Variants in PUM1 observed in about 807,000 individuals in gnomAD.
The protein encoded by PUM1 is pumilio homolog 1.
PUM1 carries 13 observed loss-of-function variants against 131.8 expected under a neutral mutation model. The ratio of observed to expected loss-of-function variants is 0.10; its 90% CI spans 0.06 to 0.16. PUM1 has a LOEUF of 0.16. Among genes scored for constraint, PUM1 ranks in the 10% least tolerant of loss-of-function variants. The probability of loss-of-function intolerance (pLI) is 1.00; values close to 1 mark genes in which losing one functional copy is unlikely to be tolerated. For synonymous variants in PUM1, 509 were observed against 556.5 expected (o/e 0.91, Z 1.20); for missense variants, 961 against 1,512.4 (o/e 0.64, Z 6.05).
At chr1:30,983,614 T>C (rs983337562) in intron 7 of PUM1, among the ~76,000 whole-genome samples, 48 of 152,128 alleles carry the variant, frequency 3.2e-4, no homozygotes, top group African/African-American at 1.1e-3. Context: ...TTTTGTTTGT[T>C]TGAAGAGTCG....
intron 2 of PUM1, among the ~76,000 whole-genome samples, chr1:31,045,534 A>T (rs1643935844): frequency 6.6e-6 from 1 of 152,192 alleles, no homozygotes; most frequent in Non-Finnish European, 1.5e-5. Flanking sequence ...GGACTGCTGG[A>T]GGCCAGAAGT....
At chr1:31,015,082 C>T (rs1025295484) in intron 3 of PUM1, among the ~76,000 whole-genome samples, 2 of 152,036 alleles carry the variant, frequency 1.3e-5, no homozygotes, top group South Asian at 4.1e-4. Flanking sequence ...AAGTAAAATA[C>T]AAAATTGTAC....
At chr1:30,960,837 T>C (rs572747292) in intron 14 of PUM1, among the ~76,000 whole-genome samples, 9 of 152,164 alleles carry the variant, frequency 5.9e-5, no homozygotes, top group African/African-American at 2.2e-4. Flanking sequence ...AAACAATAAA[T>C]TTTTTTAGAG....
chr1:30,974,588 C>T, intron 10 of PUM1, 63 bp downstream of exon 10: 1 of 1,453,902 alleles, frequency 6.9e-7, no homozygotes, highest in Middle Eastern at 2.5e-4. Flanking sequence ...CGCAATATTA[C>T]CTATTAATTA....
intron 2 of PUM1, among the ~76,000 whole-genome samples, chr1:31,033,585 C>T (rs1643511419): frequency 1.3e-5 from 2 of 152,004 alleles, no homozygotes; most frequent in Admixed American, 1.3e-4. Context: ...AGGCAGGTCT[C>T]GAAGCCCTAA....
At chr1:30,969,926 G>C (rs1451193640) in intron 10 of PUM1, among the ~76,000 whole-genome samples, 1 of 152,218 alleles carries the variant, frequency 6.6e-6, no homozygotes, top group Non-Finnish European at 1.5e-5. Flanking sequence ...GCCTGCCAAA[G>C]TGTTGGGATT....
At chr1:30,971,780 T>C (rs1243025499) in intron 10 of PUM1, among the ~76,000 whole-genome samples, 1 of 152,224 alleles carries the variant, frequency 6.6e-6, no homozygotes, top group Admixed American at 6.5e-5. Flanking sequence ...GTACAGCACT[T>C]AACTCTGCAC....
At position 30,966,042 on chromosome 1, in the gene PUM1, C is replaced by T. The variant is rs370113450; in HGVS notation, c.2026G>A (p.Gly676Arg). The T allele has an allele frequency of 3.1e-6, 5 of 1,614,070 alleles. No homozygotes were observed. Among genetic ancestry groups the T allele is most frequent in the East Asian group, 2.2e-5 (1 of 44,906 alleles). Residue 676 changes from glycine (G) to arginine (R), a missense_variant, in exon 13 of 22, where the codon GGA (glycine) becomes AGA (arginine). By Grantham distance (125) the Gly-to-Arg change is moderately radical. Transcript: ENST00000426105. ...AQPANTSLGF[G>R]SSSSLGATLG... ...GTGGCGCCGAGAGAACTGCTACTTC[C>T]GAATCCCAAGGATGTGTTGGCAGGC...
At chr1:30,937,193 G>A (rs1173183297) in intron 20 of PUM1, among the ~76,000 whole-genome samples, 1 of 152,136 alleles carries the variant, frequency 6.6e-6, no homozygotes, top group Non-Finnish European at 1.5e-5. Flanking sequence ...GTAAGGGTAA[G>A]GAGCCCAGGT....
In PUM1 at chr1:31,042,796, G is replaced by C. The variant is rs564220993; in HGVS notation, c.364-13932C>G. On this transcript the variant is annotated intron_variant, in intron 2 of 21. Transcript: ENST00000426105. ...CCATTTTCTTAAAAGACAGGGTCTC[G>C]CTCTGTTGCCCAGGCTGGAGTGCAG... 1.5e-4 allele frequency among the ~76,000 whole-genome samples: 23 copies of C among 152,276 alleles called. No individual in the cohort carries two copies. In the South Asian group the frequency reaches 4.1e-3, roughly 27 times the overall value.
intron 7 of PUM1, among the ~76,000 whole-genome samples, chr1:30,984,741 A>G (rs1274661245): frequency 3.3e-5 from 5 of 152,354 alleles, no homozygotes; most frequent in East Asian, 1.9e-4. Flanking sequence ...GGGCAGCCAA[A>G]AACACCCAAT....
At chr1:30,933,443 C>T (rs538308023) in intron 21 of PUM1, 101 bp from the exon 22 acceptor site, 320 of 319,044 alleles carry the variant, frequency 1.0e-3, no homozygotes, top group African/African-American at 8.7e-3. Flanking sequence ...CACACATACA[C>T]ACACACACAC....
At chr1:31,059,714 G>C (rs1557611070) in intron 1 of PUM1, 137 bp from the exon 2 acceptor site, 10 of 995,164 alleles carry the variant, frequency 1.0e-5, no homozygotes, top group Non-Finnish European at 1.4e-5. Context: ...AAGGTATTGG[G>C]ATCAGAACTC....
At position 31,046,666 on chromosome 1, in the gene PUM1, C is replaced by T. The variant is rs115222211; in HGVS notation, c.363+12538G>A. On this transcript the variant is annotated intron_variant, in intron 2 of 21. Coordinates refer to ENST00000426105, the MANE Select transcript of PUM1 (RefSeq NM_001020658.2). ...GGGATTACAGGCACCTGCCACCACA[C>T]ACAGCATGTTGGTCAGTCTGGTCTC... Among the ~76,000 whole-genome samples the T allele has an allele frequency of 8.4e-3, 1,273 of 151,814 alleles. 6 individuals carry two copies. The highest frequency in any genetic ancestry group is 0.024 in the Middle Eastern group (7 of 290).
intron 1 of PUM1, 86 bp downstream of exon 1, chr1:31,065,530 C>G: frequency 6.9e-7 from 1 of 1,457,142 alleles, no homozygotes; most frequent in South Asian, 1.3e-5. Flanking sequence ...ACCCCCACAA[C>G]CACTCTCAAA....
At chr1:31,041,067 T>G (rs1328960156) in intron 2 of PUM1, among the ~76,000 whole-genome samples, 1 of 152,146 alleles carries the variant, frequency 6.6e-6, no homozygotes, top group East Asian at 1.9e-4. Context: ...ATCTCGGAAC[T>G]ATTGTCGGCA....
chr1:31,036,285 T>G (rs1002635821), intron 2 of PUM1, among the ~76,000 whole-genome samples: 1 of 152,132 alleles, frequency 6.6e-6, no homozygotes, highest in Non-Finnish European at 1.5e-5. Context: ...TTGGCCAGGC[T>G]GGTCTTGAAC....
intron 14 of PUM1, among the ~76,000 whole-genome samples, chr1:30,958,638 GAC>G (rs1354147866): frequency 6.6e-6 from 1 of 152,190 alleles, no homozygotes; most frequent in East Asian, 1.9e-4. Context: ...AGTCTTTGGG[GAC>G]ACTCATATCC....
At chr1:30,951,143 C>T (rs556315651) in intron 16 of PUM1, among the ~76,000 whole-genome samples, 6 of 152,306 alleles carry the variant, frequency 3.9e-5, no homozygotes, top group South Asian at 4.1e-4. Context: ...CCTCCTCATT[C>T]TCCCAAGGGA....
Sources: allele counts gnomAD v4.1 joint callset (sites outside exome capture counted in the v4.1 genomes callset), GRCh38; gene constraint gnomAD v4.1.1; transcripts MANE v1.5; gene names NCBI Gene and HGNC (gene_info 2026-07-23, HGNC 2026-07-21).